Variants in ST3GAL1 observed in about 807,000 individuals in gnomAD.
The protein encoded by ST3GAL1 is CMP-N-acetylneuraminate-beta-galactosamide-alpha-2,3-sialyltransferase 1.
ST3GAL1 carries 16 observed loss-of-function variants against 34.1 expected under a neutral mutation model. That is an observed-to-expected ratio of 0.47 (90% confidence interval 0.32 to 0.71). The LOEUF (loss-of-function observed/expected upper bound fraction) is 0.71, where lower values mean the gene tolerates loss of function less well. Ranked by LOEUF, ST3GAL1 falls within the 30% of genes least tolerant of loss-of-function variation. ST3GAL1 has a pLI of 0.04. For missense variants in ST3GAL1, 353 were observed against 447.4 expected, an observed-to-expected ratio of 0.79 and a Z score of 1.90; for synonymous variants, 191 against 184.7, an observed-to-expected ratio of 1.03 and a Z score of -0.28.
chr8:133,506,509 G>C (rs180801699), intron 2 of ST3GAL1, among the ~76,000 whole-genome samples: 186 of 152,300 alleles, frequency 1.2e-3, no homozygotes, highest in African/African-American at 4.4e-3. Context: ...CTGCGGCTGG[G>C]CACGGTGGCT....
rs552824690 is a variant in ST3GAL1 at position 133,466,174 on chromosome 8, G to A, written c.307-84C>T. The stretch of plus-strand genomic sequence containing the variant: ...CAGAGCCCCTGAGCTACCTGCTGTC[G>A]TTTACTGGGGCCCTCCTGTTCACCC... On this transcript the variant is annotated intron_variant, in intron 5 of 9. Coordinates refer to ENST00000522652, the MANE Select transcript of ST3GAL1 (RefSeq NM_173344.3). The surrounding 1 kb of genome is among the most constrained non-coding windows in gnomAD (Gnocchi z 4.4). 444 of 1,394,480 alleles carry A rather than the reference G, an allele frequency of 3.2e-4. 2 individuals carry two copies. In the East Asian group the frequency reaches 6.5e-3, roughly 20 times the overall value. The allele number at this position is 1,394,480 out of a possible 1,614,324, so 86.4% of individuals were successfully genotyped here. A position where few individuals can be genotyped will look rare whatever the true frequency, so the allele number is the denominator to read the frequency against.
At chr8:133,524,396 C>A (rs911838322) in intron 2 of ST3GAL1, among the ~76,000 whole-genome samples, 3 of 152,230 alleles carry the variant, frequency 2.0e-5, no homozygotes. Flanking sequence ...GTGAGACCAG[C>A]ATTTTGCAGG....
At chr8:133,465,094 C>A in intron 6 of ST3GAL1, 137 bp from the exon 7 acceptor site, 1 of 800,086 alleles carries the variant, frequency 1.2e-6, no homozygotes, top group Non-Finnish European at 1.9e-6. Context: ...TTCTCCTCAT[C>A]TGTAAAATAG....
chr8:133,536,684 C>T (rs997743310), intron 2 of ST3GAL1, among the ~76,000 whole-genome samples: 3 of 152,148 alleles, frequency 2.0e-5, no homozygotes, highest in Admixed American at 6.5e-5. Flanking sequence ...AGTGAGGAAC[C>T]ACAGGGATAA....
chr8:133,567,761 T>A (rs1253049098), intron 1 of ST3GAL1, among the ~76,000 whole-genome samples: 2 of 152,112 alleles, frequency 1.3e-5, no homozygotes, highest in Admixed American at 6.5e-5. Context: ...CATGGGGTAG[T>A]AGACAGTCCA....
intron 2 of ST3GAL1, among the ~76,000 whole-genome samples, chr8:133,503,219 C>T (rs1817236703): frequency 6.7e-6 from 1 of 149,214 alleles, no homozygotes; most frequent in African/African-American, 2.5e-5. Flanking sequence ...CACAGAGTTC[C>T]TTTTGCAAGT....
intron 2 of ST3GAL1, among the ~76,000 whole-genome samples, chr8:133,502,262 G>C (rs937667333): frequency 3.3e-5 from 5 of 151,980 alleles, no homozygotes; most frequent in African/African-American, 1.2e-4. Context: ...TGCAGAATTG[G>C]CCCTTGCTAT....
intron 2 of ST3GAL1, chr8:133,539,854 C>A (rs1818415400): frequency 6.6e-6 from 1 of 152,182 alleles, no homozygotes; most frequent in Non-Finnish European, 1.5e-5. Context: ...TGTGATGGCA[C>A]AACTGCACTC....
In ST3GAL1 at chr8:133,466,703, C is replaced by CCGG. The variant is rs1370340840; in HGVS notation, c.307-616_307-614dup. Among the ~76,000 whole-genome samples the CCGG allele has an allele frequency of 1.3e-5, 2 of 152,176 alleles. No individual in the cohort carries two copies. Among genetic ancestry groups the CCGG allele is most frequent in the African/African-American group, 4.8e-5 (2 of 41,446 alleles). ...CTTTCCTGCCTGACCCTCAGTTCCC[C>CCGG]CGGCCCCAGCACTGCTGGGCTCCAG... On this transcript the variant is annotated intron_variant, in intron 5 of 9. Transcript: ENST00000522652. The surrounding 1 kb of genome is among the most constrained non-coding windows in gnomAD (Gnocchi z 4.4).
At chr8:133,560,245 A>G (rs949167044) in intron 1 of ST3GAL1, among the ~76,000 whole-genome samples, 1 of 110,652 alleles carries the variant, frequency 9.0e-6, no homozygotes, top group African/African-American at 2.8e-5. Context: ...TACAATTACT[A>G]TGTGTCAGTT....
At chr8:133,562,040 A>G (rs1434162695) in intron 1 of ST3GAL1, among the ~76,000 whole-genome samples, 4 of 151,966 alleles carry the variant, frequency 2.6e-5, no homozygotes, top group Non-Finnish European at 5.9e-5. Context: ...AAGATCATAT[A>G]CTGCACTCCA....
intron 2 of ST3GAL1, among the ~76,000 whole-genome samples, chr8:133,515,190 G>A (rs932214300): frequency 8.5e-5 from 13 of 152,182 alleles, no homozygotes; most frequent in Non-Finnish European, 8.8e-5. Flanking sequence ...AAGAGAGCTC[G>A]CTCCCATGCC....
intron 3 of ST3GAL1, among the ~76,000 whole-genome samples, chr8:133,495,346 G>A (rs1300784079): frequency 2.0e-5 from 3 of 152,116 alleles, no homozygotes; most frequent in Non-Finnish European, 2.9e-5. Flanking sequence ...GTTCCCAGAC[G>A]AGTGACCCTA....
At chr8:133,511,554 C>T (rs568189806) in intron 2 of ST3GAL1, among the ~76,000 whole-genome samples, 9 of 152,306 alleles carry the variant, frequency 5.9e-5, no homozygotes, top group Admixed American at 3.3e-4. Context: ...TCACTTGTTC[C>T]AGGGCACACA....
chr8:133,486,499 C>G (rs1279743690), intron 3 of ST3GAL1, among the ~76,000 whole-genome samples: 1 of 152,212 alleles, frequency 6.6e-6, no homozygotes, highest in Non-Finnish European at 1.5e-5. Context: ...TCCCCTGGGT[C>G]AGGAAGGATC....
At chr8:133,481,429 C>A (rs1816381982) in intron 3 of ST3GAL1, among the ~76,000 whole-genome samples, 1 of 152,160 alleles carries the variant, frequency 6.6e-6, no homozygotes, top group Admixed American at 6.5e-5. Flanking sequence ...TATGAGATCA[C>A]CGTAAGCTTA....
intron 1 of ST3GAL1, among the ~76,000 whole-genome samples, chr8:133,553,123 T>C (rs902500660): frequency 1.3e-5 from 2 of 152,032 alleles, no homozygotes; most frequent in Non-Finnish European, 2.9e-5. Context: ...GCACACACTA[T>C]CCAACCCCCT....
chr8:133,500,551 G>T (rs1817117359), intron 2 of ST3GAL1, among the ~76,000 whole-genome samples: 1 of 152,178 alleles, frequency 6.6e-6, no homozygotes, highest in Non-Finnish European at 1.5e-5. Flanking sequence ...TGATGAGGGT[G>T]GGGGGCTATG....
At chr8:133,492,141 C>T (rs1816804721) in intron 3 of ST3GAL1, among the ~76,000 whole-genome samples, 1 of 152,100 alleles carries the variant, frequency 6.6e-6, no homozygotes, top group Non-Finnish European at 1.5e-5. Flanking sequence ...CAGCAGAGGC[C>T]CAGCAAGCAG....
Sources: allele counts gnomAD v4.1 joint callset (sites outside exome capture counted in the v4.1 genomes callset), GRCh38; gene constraint gnomAD v4.1.1; non-coding constraint Gnocchi (gnomAD v3.1); transcripts MANE v1.5; gene names NCBI Gene and HGNC (gene_info 2026-07-23, HGNC 2026-07-21).